The following PTPRA variants were observed in gnomAD, a reference collection of about 807,000 sequenced individuals.
PTPRA encodes the protein protein tyrosine phosphatase receptor type A.
In PTPRA, 25 loss-of-function variants were observed where a neutral mutation model predicts 104.8. The ratio of observed to expected loss-of-function variants is 0.24; its 90% CI spans 0.17 to 0.33. The LOEUF (loss-of-function observed/expected upper bound fraction) is 0.33, where lower values mean the gene tolerates loss of function less well. Among genes scored for constraint, PTPRA ranks in the 10% least tolerant of loss-of-function variants. The pLI is 1.00. For synonymous variants in PTPRA, 323 were observed against 368.9 expected (o/e 0.88, Z 1.43); for missense variants, 765 against 1,015.3 (o/e 0.75, Z 3.35).
rs950722783 is a variant in PTPRA, at chr20:3,020,199, C to T, written c.1042-1110C>T. On this transcript the variant is annotated intron_variant, in intron 13 of 23. Transcript: ENST00000399903. ...TCTCGGCTCACTGCAAGCTCCGCCTCCCGGGTTCACACCATTCTTCTGCCT... is the reference window on the plus strand; with the variant it reads ...TCTCGGCTCACTGCAAGCTCCGCCTTCCGGGTTCACACCATTCTTCTGCCT... Among the ~76,000 whole-genome samples the T allele has an allele frequency of 2.0e-5, 3 of 152,126 alleles. No individual in the cohort carries two copies. The South Asian group carries it at 6.2e-4, about 32-fold the overall frequency.
chr20:2,992,707 A>G (rs2063235246), intron 9 of PTPRA, among the ~76,000 whole-genome samples: 1 of 144,118 alleles, frequency 6.9e-6, no homozygotes. Context: ...TTACCTTACT[A>G]CAAACACTCT....
At position 2,992,456 on chromosome 20, in the gene PTPRA, G is replaced by A. The variant is rs1291454979; in HGVS notation, c.738+3982G>A. Among the ~76,000 whole-genome samples the A allele has an allele frequency of 3.3e-5, 5 of 152,252 alleles. 1 individual carries two copies. The East Asian group carries it at 7.7e-4, about 24-fold the overall frequency. On this transcript the variant is annotated intron_variant, in intron 9 of 23. Coordinates refer to ENST00000399903, the MANE Select transcript of PTPRA (RefSeq NM_001385305.1). ...CGCTTGAACCCGGGAGGCAGAGGTTGCATTGAGCCGAGACCACGCCATTGC... is the reference window on the plus strand; with the variant it reads ...CGCTTGAACCCGGGAGGCAGAGGTTACATTGAGCCGAGACCACGCCATTGC...
intron 20 of PTPRA, among the ~76,000 whole-genome samples, chr20:3,029,516 A>G (rs1192643876): frequency 7.6e-6 from 1 of 132,134 alleles, no homozygotes; most frequent in African/African-American, 2.9e-5. Flanking sequence ...TAATCAACAG[A>G]CATACTTTGT....
chr20:2,926,972 G>C lies in PTPRA; in HGVS notation c.-50+3687G>C, dbSNP rs546401309. ...CGCCCGGCTAATTTTTGTATTTTTA[G>C]TAGAGCCAGGTTTTCACCTTGTTGG... is the stretch of plus-strand genomic sequence containing the variant. On this transcript the variant is annotated intron_variant, in intron 2 of 23. Transcript: ENST00000399903. Among the ~76,000 whole-genome samples the C allele has an allele frequency of 1.6e-3, 246 of 151,696 alleles. 1 individual carries two copies. The highest frequency in any genetic ancestry group is 1.0e-3 in the Non-Finnish European group (71 of 67,898).
chr20:2,944,987 A>C (rs2061070990), intron 2 of PTPRA, among the ~76,000 whole-genome samples: 1 of 152,148 alleles, frequency 6.6e-6, no homozygotes, highest in Non-Finnish European at 1.5e-5. Flanking sequence ...CTGAAATTAC[A>C]TGTAGGTTAG....
At chr20:2,909,221 C>G (rs1031792193) in intron 1 of PTPRA, among the ~76,000 whole-genome samples, 1 of 152,078 alleles carries the variant, frequency 6.6e-6, no homozygotes, top group Non-Finnish European at 1.5e-5. Flanking sequence ...TCTGGGAGGT[C>G]GAGGTTGCAG....
Position 2,965,188 on chromosome 20 carries a change from C to CT in PTPRA, c.404dup (p.Pro137SerfsTer4). 1 of 1,610,912 alleles carries CT rather than the reference C, an allele frequency of 6.2e-7. No individual in the cohort carries two copies. The highest frequency in any genetic ancestry group is 8.5e-7 in the Non-Finnish European group (1 of 1,177,410). ...AGCACCGCAGCAACCACTCCAGAAACTTTCCCTCCTTCAGGTACTAGAGAT... is the reference window on the plus strand; with the variant it reads ...AGCACCGCAGCAACCACTCCAGAAACTTTTCCCTCCTTCAGGTACTAGAGAT... On this transcript the variant is annotated frameshift_variant, in exon 5 of 24. Transcript: ENST00000399903. LOFTEE classifies it high-confidence loss of function.
intron 11 of PTPRA, among the ~76,000 whole-genome samples, chr20:3,008,032 AAT>A (rs1369236995): frequency 1.3e-5 from 2 of 152,174 alleles, no homozygotes. Flanking sequence ...AAGAGTTAAG[AAT>A]ATGTTTTATA....
At chr20:2,978,446 G>T (rs1455130160) in intron 6 of PTPRA, among the ~76,000 whole-genome samples, 1 of 152,110 alleles carries the variant, frequency 6.6e-6, no homozygotes, top group Non-Finnish European at 1.5e-5. Context: ...ATAGGTAAAT[G>T]GGCCATAGGA....
chr20:2,909,731 A>G (rs934470101), intron 1 of PTPRA, among the ~76,000 whole-genome samples: 2 of 143,240 alleles, frequency 1.4e-5, no homozygotes, highest in African/African-American at 5.1e-5. Context: ...TCACTTATAT[A>G]TAAATTATAT....
intron 2 of PTPRA, among the ~76,000 whole-genome samples, chr20:2,926,689 C>T (rs971343611): frequency 3.3e-5 from 5 of 150,498 alleles, no homozygotes; most frequent in South Asian, 2.1e-4. Flanking sequence ...TTCTAACTTT[C>T]GGAAGTACTC....
Position 2,965,167 on chromosome 20 carries a change from C to T in PTPRA, c.380C>T (p.Thr127Ile). ...GAACCCTGGGAGGGGAATTCCAGCA[C>T]CGCAGCAACCACTCCAGAAACTTTC... ...RTEPWEGNSS[T>I]AATTPETFPP... The change falls in exon 5 of 24, where the codon ACC (threonine) becomes ATC (isoleucine). Residue 127 changes from threonine to isoleucine, a missense_variant. Coordinates refer to ENST00000399903, the MANE Select transcript of PTPRA (RefSeq NM_001385305.1). The T allele has an allele frequency of 1.9e-6, 3 of 1,613,998 alleles. No homozygotes were observed. Among genetic ancestry groups the T allele is most frequent in the Non-Finnish European group, 2.5e-6 (3 of 1,179,884 alleles).
chr20:2,910,702 G>A (rs1412193151), intron 1 of PTPRA, among the ~76,000 whole-genome samples: 3 of 146,416 alleles, frequency 2.0e-5, no homozygotes, highest in African/African-American at 7.6e-5. Flanking sequence ...CGCCTCCCGG[G>A]TTCACACCAT....
At chr20:2,935,586 G>C (rs1275032925) in intron 2 of PTPRA, among the ~76,000 whole-genome samples, 2 of 151,980 alleles carry the variant, frequency 1.3e-5, no homozygotes, top group Non-Finnish European at 1.5e-5. Context: ...AATTTTGTTT[G>C]TTTAGAGACA....
At chr20:2,999,546 A>C (rs1025527765) in intron 9 of PTPRA, among the ~76,000 whole-genome samples, 7 of 152,250 alleles carry the variant, frequency 4.6e-5, no homozygotes, top group Admixed American at 4.6e-4. Context: ...GCCCAGAAGC[A>C]GATCCATTTG....
At chr20:2,994,919 C>G (rs757521261) in intron 9 of PTPRA, among the ~76,000 whole-genome samples, 37 of 152,156 alleles carry the variant, frequency 2.4e-4, no homozygotes, top group Non-Finnish European at 5.0e-4. Flanking sequence ...CACTTGAGGT[C>G]AGGAGTTTGA....
At chr20:2,864,844 G>A in the PTPRA span, 3 of 1,258,590 alleles carry the variant, frequency 2.4e-6, no homozygotes, top group Non-Finnish European at 3.4e-6. The surrounding 1 kb of genome is among the most constrained non-coding windows in gnomAD (Gnocchi z 5.2). Flanking sequence ...TAGGACATCA[G>A]AGTGGTGCAC....
intron 9 of PTPRA, among the ~76,000 whole-genome samples, chr20:2,995,813 T>G (rs2063373259): frequency 6.6e-6 from 1 of 152,180 alleles, no homozygotes; most frequent in African/African-American, 2.4e-5. Context: ...TATTTCTTGT[T>G]TTGTTCTCTA....
chr20:2,935,559 AT>A (rs908010482), intron 2 of PTPRA, among the ~76,000 whole-genome samples: 6 of 151,666 alleles, frequency 4.0e-5, no homozygotes, highest in Non-Finnish European at 5.9e-5. Flanking sequence ...TTCTATTTAA[AT>A]TTTTTTTTGT....
Sources: gnomAD v4.1 joint callset for allele counts (sites outside exome capture counted in the v4.1 genomes callset) on GRCh38, gnomAD v4.1.1 for gene constraint, Gnocchi (gnomAD v3.1) non-coding constraint, MANE v1.5 for transcripts, NCBI Gene and HGNC (gene_info 2026-07-23, HGNC 2026-07-21) for gene names.